Variants in FGGY observed in about 807,000 individuals in gnomAD.
FGGY encodes the protein FGGY carbohydrate kinase domain containing.
A neutral mutation model predicts 71.3 loss-of-function variants in FGGY; 72 were observed. The ratio of observed to expected loss-of-function variants is 1.01; its 90% CI spans 0.84 to 1.23. The LOEUF (loss-of-function observed/expected upper bound fraction) is 1.23. FGGY is among the 50% of genes most tolerant of loss of function. FGGY has a pLI of 0.00. For missense variants in FGGY, 668 were observed against 682.3 expected (o/e 0.98, Z 0.23); for synonymous variants, 251 against 250.3 (o/e 1.00, Z -0.02).
chr1:59,736,142 G>A (rs544543359), intron 14 of FGGY, among the ~76,000 whole-genome samples: 373 of 152,240 alleles, frequency 2.5e-3, no homozygotes, highest in African/African-American at 8.8e-3. Context: ...TCCATGTAAG[G>A]TGTGACTTGC....
intron 5 of FGGY, among the ~76,000 whole-genome samples, chr1:59,434,365 T>C (rs530472551): frequency 4.6e-5 from 7 of 152,262 alleles, no homozygotes; most frequent in African/African-American, 1.7e-4. Flanking sequence ...TTGTGTGGCT[T>C]TGTGTCATTT....
At chr1:59,635,239 A>G (rs1201115045) in intron 10 of FGGY, among the ~76,000 whole-genome samples, 1 of 152,216 alleles carries the variant, frequency 6.6e-6, no homozygotes, top group South Asian at 2.1e-4. Context: ...CACACATGGT[A>G]AGGTATAATT....
intron 4 of FGGY, 137 bp downstream of exon 4, chr1:59,346,535 A>T: frequency 1.1e-6 from 1 of 924,212 alleles, no homozygotes; most frequent in Non-Finnish European, 1.6e-6. Context: ...GGTTGATCCC[A>T]TTTTATTGAT....
At chr1:59,749,756 C>T (rs911317605) in intron 14 of FGGY, among the ~76,000 whole-genome samples, 8 of 152,288 alleles carry the variant, frequency 5.3e-5, no homozygotes, top group Middle Eastern at 3.4e-3. Flanking sequence ...AAATAACTCA[C>T]GTGCTTCTCA....
chr1:59,549,914 A>T (rs1345585238), intron 7 of FGGY, among the ~76,000 whole-genome samples: 1 of 152,212 alleles, frequency 6.6e-6, no homozygotes, highest in Non-Finnish European at 1.5e-5. Context: ...CTTTTTTAAC[A>T]TTCTTTTTAA....
intron 10 of FGGY, among the ~76,000 whole-genome samples, chr1:59,629,180 C>G (rs1233635763): frequency 6.6e-6 from 1 of 151,752 alleles, no homozygotes; most frequent in African/African-American, 2.4e-5. Flanking sequence ...CAAACCTGTA[C>G]ATTGTGTACA....
chr1:59,321,081 C>T (rs370200142), intron 1 of FGGY, among the ~76,000 whole-genome samples: 1 of 152,124 alleles, frequency 6.6e-6, no homozygotes, highest in Non-Finnish European at 1.5e-5. Context: ...ACAGTGCTTG[C>T]GTGTAAGAGG....
chr1:59,563,017 A>G (rs2095817343), intron 8 of FGGY, among the ~76,000 whole-genome samples: 1 of 152,214 alleles, frequency 6.6e-6, no homozygotes, highest in Non-Finnish European at 1.5e-5. Flanking sequence ...GGGGTTTTCT[A>G]AATATACAAT....
At chr1:59,611,328 G>C (rs1462396879) in intron 9 of FGGY, among the ~76,000 whole-genome samples, 1 of 152,108 alleles carries the variant, frequency 6.6e-6, no homozygotes, top group Non-Finnish European at 1.5e-5. Context: ...ACAGAGGAAG[G>C]ATCAGGCAGC....
At chr1:59,531,606 A>G (rs916451954) in intron 7 of FGGY, among the ~76,000 whole-genome samples, 2 of 152,224 alleles carry the variant, frequency 1.3e-5, no homozygotes, top group Non-Finnish European at 2.9e-5. Context: ...TTTGGACTCA[A>G]CATTTCCACC....
At chr1:59,405,606 T>G (rs1019300007) in intron 5 of FGGY, among the ~76,000 whole-genome samples, 1 of 152,198 alleles carries the variant, frequency 6.6e-6, no homozygotes, top group African/African-American at 2.4e-5. Context: ...AATAAGATTT[T>G]TTTTTAGAGA....
At chr1:59,634,706 A>G (rs2096940012) in intron 10 of FGGY, among the ~76,000 whole-genome samples, 1 of 152,192 alleles carries the variant, frequency 6.6e-6, no homozygotes, top group South Asian at 2.1e-4. Flanking sequence ...TTAAAAAACT[A>G]GAAATGAGTT....
intron 8 of FGGY, among the ~76,000 whole-genome samples, chr1:59,599,442 C>T (rs111753369): frequency 0.13 from 20,077 of 151,886 alleles, 1,778 homozygotes; most frequent in Admixed American, 0.24. Flanking sequence ...TGCCTGTAAT[C>T]CCAGCACTTT....
At chr1:59,399,573 G>A (rs1309741402) in intron 5 of FGGY, among the ~76,000 whole-genome samples, 2 of 152,104 alleles carry the variant, frequency 1.3e-5, no homozygotes, top group Non-Finnish European at 2.9e-5. Context: ...ATTTGTAATA[G>A]GGATGACAAT....
intron 11 of FGGY, among the ~76,000 whole-genome samples, chr1:59,656,956 A>G (rs530181586): frequency 6.6e-6 from 1 of 152,290 alleles, no homozygotes; most frequent in East Asian, 1.9e-4. Flanking sequence ...TTTCTGCTCT[A>G]TGATTTCTGA....
At chr1:59,472,200 C>G (rs943464964) in intron 6 of FGGY, among the ~76,000 whole-genome samples, 1 of 152,176 alleles carries the variant, frequency 6.6e-6, no homozygotes, top group Non-Finnish European at 1.5e-5. Flanking sequence ...TGGGTGTGGG[C>G]TCGGCGGACC....
chr1:59,503,185 G>C (rs188965707), intron 6 of FGGY, among the ~76,000 whole-genome samples: 2 of 152,210 alleles, frequency 1.3e-5, no homozygotes, highest in Admixed American at 1.3e-4. Flanking sequence ...CAATATCATA[G>C]ACTCTTCATG....
intron 14 of FGGY, among the ~76,000 whole-genome samples, chr1:59,712,968 C>A (rs1055297391): frequency 6.6e-6 from 1 of 152,208 alleles, no homozygotes; most frequent in African/African-American, 2.4e-5. Context: ...ATTTTGCAAA[C>A]TTTCATGCTC....
At chr1:59,391,134 G>A (rs1018246505) in intron 5 of FGGY, among the ~76,000 whole-genome samples, 1 of 152,166 alleles carries the variant, frequency 6.6e-6, no homozygotes, top group East Asian at 1.9e-4. Context: ...CCTGTGGTTC[G>A]ATGACCTTTT....
Sources: allele counts gnomAD v4.1 joint callset (sites outside exome capture counted in the v4.1 genomes callset), GRCh38; gene constraint gnomAD v4.1.1; transcripts MANE v1.5; gene names NCBI Gene and HGNC (gene_info 2026-07-23, HGNC 2026-07-21).